KCNIP4: variants seen among roughly 807,000 people sequenced by gnomAD.
KCNIP4 encodes the protein Kv channel-interacting protein 4.
Under a neutral mutation model 34.0 loss-of-function variants are expected in KCNIP4, and 12 were observed. The observed-to-expected ratio is 0.35, with a 90% confidence interval of 0.23 to 0.57. The LOEUF is 0.57. Ranked by LOEUF, KCNIP4 falls within the 20% of genes least tolerant of loss-of-function variation. KCNIP4 has a pLI of 0.83. For missense variants in KCNIP4, 238 were observed against 311.7 expected (o/e 0.76, Z 1.78); for synonymous variants, 124 against 102.2 (o/e 1.21, Z -1.29).
intron 1 of KCNIP4, among the ~76,000 whole-genome samples, chr4:21,001,263 G>T (rs1738110184): frequency 6.6e-6 from 1 of 152,140 alleles, no homozygotes; most frequent in Non-Finnish European, 1.5e-5. Context: ...AGAGAAAAAA[G>T]TTCAATTTCC....
At chr4:20,971,525 T>C (rs1159454743) in intron 1 of KCNIP4, among the ~76,000 whole-genome samples, 1 of 152,168 alleles carries the variant, frequency 6.6e-6, no homozygotes, top group African/African-American at 2.4e-5. Context: ...CACAATACTG[T>C]AGTCTATTAA....
chr4:20,864,846 C>T (rs1158970), intron 2 of KCNIP4, among the ~76,000 whole-genome samples: 16,940 of 152,084 alleles, frequency 0.11, 1,285 homozygotes, highest in Non-Finnish European at 0.16. Flanking sequence ...TGATCTTTTT[C>T]ATTCCTACTG....
At chr4:21,629,606 TATGTA>T (rs1745572150) in intron 1 of KCNIP4, among the ~76,000 whole-genome samples, 1 of 152,126 alleles carries the variant, frequency 6.6e-6, no homozygotes. Context: ...ATTAAAACTG[TATGTA>T]AATAGAAATA....
At chr4:21,143,987 C>T (rs569253257) in intron 1 of KCNIP4, among the ~76,000 whole-genome samples, 94 of 152,260 alleles carry the variant, frequency 6.2e-4, no homozygotes, top group African/African-American at 2.2e-3. Flanking sequence ...CGATTACAGG[C>T]GTGAGCCACC....
At chr4:21,654,879 G>A (rs549452178) in intron 1 of KCNIP4, among the ~76,000 whole-genome samples, 56 of 151,976 alleles carry the variant, frequency 3.7e-4, no homozygotes, top group African/African-American at 9.4e-4. Flanking sequence ...AGCAGAGATC[G>A]CGCCACTGCA....
chr4:21,876,856 A>C (rs1006826882), intron 1 of KCNIP4, among the ~76,000 whole-genome samples: 2 of 152,100 alleles, frequency 1.3e-5, no homozygotes, highest in African/African-American at 4.8e-5. Context: ...GGGAGACTTG[A>C]GTCTGGATTA....
intron 1 of KCNIP4, among the ~76,000 whole-genome samples, chr4:21,388,627 C>T (rs1722255540): frequency 6.6e-6 from 1 of 152,038 alleles, no homozygotes; most frequent in South Asian, 2.1e-4. Context: ...AAGATCTTTG[C>T]CCTCCAAAAC....
At chr4:21,775,263 ATTC>A (rs1322648991) in intron 1 of KCNIP4, among the ~76,000 whole-genome samples, 11 of 152,028 alleles carry the variant, frequency 7.2e-5, no homozygotes, top group African/African-American at 2.7e-4. Context: ...TTCAGGCCCT[ATTC>A]ATCTGATTCA....
At chr4:21,465,147 G>A (rs762905386) in intron 1 of KCNIP4, among the ~76,000 whole-genome samples, 8 of 152,058 alleles carry the variant, frequency 5.3e-5, no homozygotes, top group Non-Finnish European at 1.2e-4. Flanking sequence ...TTTCAGGAAA[G>A]AACACACCCA....
intron 1 of KCNIP4, among the ~76,000 whole-genome samples, chr4:20,919,754 C>T (rs373872467): frequency 3.4e-5 from 5 of 148,006 alleles, no homozygotes; most frequent in East Asian, 2.0e-4. Context: ...TATTGTTTGG[C>T]GGGGGGGAGT....
intron 1 of KCNIP4, among the ~76,000 whole-genome samples, chr4:21,291,166 TA>T (rs1763436198): frequency 6.6e-6 from 1 of 152,160 alleles, no homozygotes; most frequent in African/African-American, 2.4e-5. Flanking sequence ...TCTGTACTTG[TA>T]CACATGGTTA....
chr4:21,712,344 A>G (rs1713796218), intron 1 of KCNIP4, among the ~76,000 whole-genome samples: 1 of 152,186 alleles, frequency 6.6e-6, no homozygotes, highest in Non-Finnish European at 1.5e-5. Flanking sequence ...AGCTGGGTTC[A>G]GTCTACTATT....
intron 1 of KCNIP4, among the ~76,000 whole-genome samples, chr4:21,499,663 CTT>C (rs1733146759): frequency 6.6e-6 from 1 of 151,906 alleles, no homozygotes; most frequent in Admixed American, 6.6e-5. Flanking sequence ...TGTAAGAAGT[CTT>C]ATATATTTTA....
Position 21,234,164 on chromosome 4 carries a change from A to G in KCNIP4, c.62-351455T>C, listed in dbSNP as rs1391475106. 4.5e-5 allele frequency among the ~76,000 whole-genome samples: 5 copies of G among 109,922 alleles called. 2 individuals carry two copies. The highest frequency in any genetic ancestry group is 2.2e-4 in the African/African-American group (5 of 22,262). The allele number at this position is 109,922 out of a possible 152,430, so 72.1% of individuals were successfully genotyped here. A position where few individuals can be genotyped will look rare whatever the true frequency, so the allele number is the denominator to read the frequency against. The stretch of plus-strand genomic sequence containing the variant: ...ATTATATATAACATATATAACGTAT[A>G]TTATATATAACATATATAACGTATA... On this transcript the variant is annotated intron_variant, in intron 1 of 8. Coordinates refer to ENST00000382152, the MANE Select transcript of KCNIP4 (RefSeq NM_025221.6).
At position 21,528,869 on chromosome 4, in the gene KCNIP4, A is replaced by C. The variant is rs80063305; in HGVS notation, c.61+419702T>G. 1.2e-4 allele frequency among the ~76,000 whole-genome samples: 18 copies of C among 145,172 alleles called. 1 individual carries two copies. Among genetic ancestry groups the C allele is most frequent in the African/African-American group, 4.7e-4 (18 of 38,528 alleles). ...GAAGGAAGGAAGGAAGGAAGGAAGGAAGGGAAATTCAATTTTGGGGGTTGT... is the reference window on the plus strand; with the variant it reads ...GAAGGAAGGAAGGAAGGAAGGAAGGCAGGGAAATTCAATTTTGGGGGTTGT... On this transcript the variant is annotated intron_variant, in intron 1 of 8. Coordinates refer to ENST00000382152, the MANE Select transcript of KCNIP4 (RefSeq NM_025221.6).
intron 1 of KCNIP4, among the ~76,000 whole-genome samples, chr4:21,832,641 C>A (rs1723063151): frequency 6.7e-6 from 1 of 149,176 alleles, no homozygotes; most frequent in Non-Finnish European, 1.5e-5. Flanking sequence ...GCACAATGTG[C>A]AGGTTAGTTA....
intron 1 of KCNIP4, among the ~76,000 whole-genome samples, chr4:21,638,543 T>C (rs1746388771): frequency 6.6e-6 from 1 of 152,188 alleles, no homozygotes; most frequent in Non-Finnish European, 1.5e-5. Flanking sequence ...CAAGGCAAAC[T>C]GCAGCATGAT....
At chr4:21,290,358 A>G (rs1763365683) in intron 1 of KCNIP4, among the ~76,000 whole-genome samples, 1 of 152,166 alleles carries the variant, frequency 6.6e-6, no homozygotes, top group Non-Finnish European at 1.5e-5. Context: ...AAAAAAAAAT[A>G]ATGTATGTTT....
intron 1 of KCNIP4, among the ~76,000 whole-genome samples, chr4:21,600,449 T>C (rs912344077): frequency 6.6e-5 from 10 of 152,250 alleles, no homozygotes; most frequent in Admixed American, 2.6e-4. Flanking sequence ...ATTGGTGTAA[T>C]TGGGCTATTC....
Sources: gnomAD v4.1 joint callset for allele counts (sites outside exome capture counted in the v4.1 genomes callset) on GRCh38, gnomAD v4.1.1 for gene constraint, MANE v1.5 for transcripts, NCBI Gene and HGNC (gene_info 2026-07-23, HGNC 2026-07-21) for gene names.